Variants in RBM47 observed in about 807,000 individuals in gnomAD.
RBM47 encodes the protein RNA binding motif protein 47.
Under a neutral mutation model 47.1 loss-of-function variants are expected in RBM47, and 21 were observed. That is an observed-to-expected ratio of 0.45 (90% CI 0.32 to 0.64). The LOEUF (loss-of-function observed/expected upper bound fraction) is 0.64. Among genes scored for constraint, RBM47 ranks in the 30% least tolerant of loss-of-function variants. The pLI, the probability that RBM47 is intolerant of heterozygous loss-of-function variation, is 0.05. For synonymous variants in RBM47, 375 were observed against 361.7 expected (o/e 1.04, Z -0.42); for missense variants, 708 against 870.9 (o/e 0.81, Z 2.35).
chr4:40,505,743 T>A (rs763818185), intron 2 of RBM47, among the ~76,000 whole-genome samples: 6 of 145,178 alleles, frequency 4.1e-5, no homozygotes, highest in Non-Finnish European at 6.0e-5. Flanking sequence ...AAAAAAAAAA[T>A]AGCTGGTTAT....
intron 2 of RBM47, among the ~76,000 whole-genome samples, chr4:40,510,446 A>C (rs1724777883): frequency 6.6e-6 from 1 of 152,204 alleles, no homozygotes; most frequent in African/African-American, 2.4e-5. Context: ...ATACAGTAGC[A>C]AGTTAGACAC....
intron 6 of RBM47, among the ~76,000 whole-genome samples, chr4:40,428,709 G>A (rs113081626): frequency 9.9e-5 from 15 of 152,218 alleles, no homozygotes; most frequent in African/African-American, 1.9e-4. Flanking sequence ...ACTGGCTTAC[G>A]GCCTGGAATC....
chr4:40,435,551 C>A (rs1313099184), intron 5 of RBM47, among the ~76,000 whole-genome samples: 1 of 151,914 alleles, frequency 6.6e-6, no homozygotes, highest in Non-Finnish European at 1.5e-5. Flanking sequence ...CCATCTCAAA[C>A]AACAACAAAA....
intron 3 of RBM47, among the ~76,000 whole-genome samples, chr4:40,452,838 TTC>T (rs1715648399): frequency 8.1e-6 from 1 of 123,780 alleles, no homozygotes; most frequent in African/African-American, 3.0e-5. Flanking sequence ...TGTGATTTCC[TTC>T]TTTTTTTTTT....
At chr4:40,606,486 A>G (rs905456134) in intron 1 of RBM47, among the ~76,000 whole-genome samples, 4 of 152,182 alleles carry the variant, frequency 2.6e-5, no homozygotes, top group African/African-American at 4.8e-5. Flanking sequence ...GGCCTCATCC[A>G]TCACTCTCTC....
intron 2 of RBM47, among the ~76,000 whole-genome samples, chr4:40,496,821 C>A (rs1477428018): frequency 6.6e-6 from 1 of 151,922 alleles, no homozygotes; most frequent in Non-Finnish European, 1.5e-5. Context: ...GGGTGGATCA[C>A]CTGAGGTCAG....
intron 1 of RBM47, among the ~76,000 whole-genome samples, chr4:40,562,534 C>T (rs1246393147): frequency 1.3e-5 from 2 of 149,108 alleles, no homozygotes; most frequent in South Asian, 2.1e-4. Flanking sequence ...GGTGCGACCT[C>T]GGCTCACTGC....
intron 3 of RBM47, among the ~76,000 whole-genome samples, chr4:40,442,423 G>C (rs1336572518): frequency 1.3e-5 from 2 of 152,142 alleles, no homozygotes; most frequent in African/African-American, 4.8e-5. Flanking sequence ...AGTGCTGGTA[G>C]GAATATAAAA....
intron 1 of RBM47, among the ~76,000 whole-genome samples, chr4:40,587,745 T>C (rs747344062): frequency 6.6e-6 from 1 of 152,072 alleles, no homozygotes; most frequent in Non-Finnish European, 1.5e-5. Flanking sequence ...ATTACCTGAG[T>C]TGGAGAGGTG....
chr4:40,427,793 A>G (rs184991663), intron 6 of RBM47, among the ~76,000 whole-genome samples: 9 of 152,218 alleles, frequency 5.9e-5, no homozygotes, highest in Admixed American at 2.6e-4. Context: ...GCTCAAAGGA[A>G]CTTAGGAACT....
At chr4:40,519,890 G>A (rs927562909) in intron 2 of RBM47, among the ~76,000 whole-genome samples, 9 of 151,580 alleles carry the variant, frequency 5.9e-5, no homozygotes, top group East Asian at 1.9e-4. Context: ...GGATGGTCTC[G>A]ATCTCTTGAC....
intron 1 of RBM47, among the ~76,000 whole-genome samples, chr4:40,618,808 CAAAA>C (rs35543412): frequency 7.2e-5 from 2 of 27,594 alleles, no homozygotes; most frequent in Admixed American, 5.3e-4. Context: ...GACTCCATCT[CAAAA>C]AAAAAAAAAA....
rs769912008 is a variant in RBM47 at position 40,426,133 on chromosome 4, A to G, written c.1553T>C (p.Ile518Thr). 1.9e-6 allele frequency: 3 copies of G among 1,614,044 alleles called. No individual in the cohort carries two copies. In the South Asian group the frequency reaches 3.3e-5, roughly 18 times the overall value. The change falls in exon 7 of 7, where the codon ATA becomes ACA. Residue 518 changes from isoleucine (I) to threonine (T), a missense_variant. By Grantham distance (89) the Ile-to-Thr change is moderately conservative (BLOSUM62 -1). Coordinates refer to ENST00000295971, the MANE Select transcript of RBM47 (RefSeq NM_001098634.2). ...TGGAGCCACCGTGTATACTGGAGTT[A>G]TTGGGCGGCCCTGAGGAGAAGAGAC... ...STPPPFQGRP[I>T]TPVYTVAPNV...
At chr4:40,625,924 C>T (rs1449322198) in intron 1 of RBM47, among the ~76,000 whole-genome samples, 1 of 152,178 alleles carries the variant, frequency 6.6e-6, no homozygotes, top group African/African-American at 2.4e-5. Context: ...TCTGTCTTCT[C>T]CCGATGTCAT....
At chr4:40,430,316 T>C (rs563268118) in intron 6 of RBM47, among the ~76,000 whole-genome samples, 3 of 152,184 alleles carry the variant, frequency 2.0e-5, no homozygotes, top group African/African-American at 7.2e-5. Context: ...CAGGACATGA[T>C]TATGGTGCCT....
intron 1 of RBM47, among the ~76,000 whole-genome samples, chr4:40,582,097 T>C (rs1267792629): frequency 6.6e-6 from 1 of 152,044 alleles, no homozygotes; most frequent in Non-Finnish European, 1.5e-5. Context: ...CCAGAACCCA[T>C]CTCGAATCTT....
At chr4:40,619,878 C>T (rs1737093259) in intron 1 of RBM47, among the ~76,000 whole-genome samples, 1 of 152,170 alleles carries the variant, frequency 6.6e-6, no homozygotes, top group African/African-American at 2.4e-5. Flanking sequence ...GTGTCCAGCA[C>T]ACAGTAGCTG....
intron 2 of RBM47, among the ~76,000 whole-genome samples, chr4:40,489,425 C>G (rs908233255): frequency 6.6e-6 from 1 of 152,028 alleles, no homozygotes; most frequent in Non-Finnish European, 1.5e-5. Flanking sequence ...ATTGACAAAC[C>G]ACTAGCTAGA....
At chr4:40,563,736 G>A (rs1730846549) in intron 1 of RBM47, among the ~76,000 whole-genome samples, 1 of 152,200 alleles carries the variant, frequency 6.6e-6, no homozygotes, top group African/African-American at 2.4e-5. Flanking sequence ...CCGTGTGGCT[G>A]TGTTACCAAA....
Sources: allele counts gnomAD v4.1 joint callset (sites outside exome capture counted in the v4.1 genomes callset), GRCh38; gene constraint gnomAD v4.1.1; transcripts MANE v1.5; gene names NCBI Gene and HGNC (gene_info 2026-07-23, HGNC 2026-07-21).